Variants in C10orf90 observed in about 807,000 individuals in gnomAD.
The protein encoded by C10orf90 is chromosome 10 open reading frame 90.
Under a neutral mutation model 62.5 loss-of-function variants are expected in C10orf90, and 56 were observed. The observed-to-expected ratio is 0.90, with a 90% CI of 0.72 to 1.12. The LOEUF (loss-of-function observed/expected upper bound fraction) is 1.12, where lower values mean the gene tolerates loss of function less well. Ranked by LOEUF, C10orf90 falls within the 50% of genes most tolerant of loss-of-function variation. The probability of loss-of-function intolerance (pLI) is 0.00; values close to 1 mark genes in which losing one functional copy is unlikely to be tolerated. For missense variants in C10orf90, 970 were observed against 880.4 expected (o/e 1.10, Z -1.29); for synonymous variants, 386 against 340.4 (o/e 1.13, Z -1.47).
chr10:126,550,382 C>A (rs138719764), intron 2 of C10orf90, among the ~76,000 whole-genome samples: 9 of 152,108 alleles, frequency 5.9e-5, no homozygotes, highest in South Asian at 2.1e-4. Flanking sequence ...CAGGAGGGAA[C>A]CTTGTAATCA....
intron 2 of C10orf90, among the ~76,000 whole-genome samples, chr10:126,640,902 T>C (rs1490490221): frequency 2.6e-5 from 4 of 152,192 alleles, no homozygotes; most frequent in Non-Finnish European, 2.9e-5. Context: ...GTTGCATTGA[T>C]TGGAGATACT....
chr10:126,605,494 G>A (rs531427477), intron 2 of C10orf90, among the ~76,000 whole-genome samples: 100 of 152,334 alleles, frequency 6.6e-4, no homozygotes, highest in Non-Finnish European at 9.8e-4. Flanking sequence ...AGAGGCCCCT[G>A]CGCCCCTGCA....
At chr10:126,581,304 G>A (rs564240666) in intron 2 of C10orf90, among the ~76,000 whole-genome samples, 2 of 152,336 alleles carry the variant, frequency 1.3e-5, no homozygotes, top group South Asian at 4.1e-4. Context: ...CATTTGATCA[G>A]CAGTGTTGCA....
At chr10:126,433,369 C>T (rs1857704589) in intron 7 of C10orf90, among the ~76,000 whole-genome samples, 1 of 152,054 alleles carries the variant, frequency 6.6e-6, no homozygotes, top group South Asian at 2.1e-4. Context: ...GTCAGGTCCA[C>T]CAGGGAAGAA....
rs80351129 is a variant in C10orf90, at chr10:126,572,830, T to C, written c.314-58891A>G. 3.3e-3 allele frequency among the ~76,000 whole-genome samples: 498 copies of C among 152,152 alleles called. 3 individuals are homozygous for C. The highest frequency in any genetic ancestry group is 0.012 in the African/African-American group (489 of 41,522). On this transcript the variant is annotated intron_variant, in intron 2 of 9. Transcript: ENST00000488181. The stretch of plus-strand genomic sequence containing the variant: ...GCCTCTGACACTCCTACCAGCACCA[T>C]GACAGCTTACAAATGCAACGGCAAT...
At chr10:126,521,875 T>C (rs1050150916) in intron 2 of C10orf90, among the ~76,000 whole-genome samples, 1 of 152,216 alleles carries the variant, frequency 6.6e-6, no homozygotes, top group East Asian at 1.9e-4. Flanking sequence ...AGGTAGCTTA[T>C]AGTTAATAAT....
At chr10:126,502,172 C>T (rs561465136) in intron 4 of C10orf90, among the ~76,000 whole-genome samples, 122 of 152,034 alleles carry the variant, frequency 8.0e-4, no homozygotes, top group African/African-American at 2.7e-3. Flanking sequence ...ACTTGGGTGA[C>T]GGGTGCCCTA....
intron 2 of C10orf90, among the ~76,000 whole-genome samples, chr10:126,577,470 A>G (rs1453249596): frequency 6.6e-6 from 1 of 152,062 alleles, no homozygotes; most frequent in Non-Finnish European, 1.5e-5. Flanking sequence ...TAAACCTTAC[A>G]AAAGCTGTGC....
intron 7 of C10orf90, among the ~76,000 whole-genome samples, chr10:126,450,202 A>C (rs1044415927): frequency 4.6e-5 from 7 of 152,200 alleles, no homozygotes; most frequent in African/African-American, 1.7e-4. Context: ...GACAAGAAGT[A>C]AAAAGTAAGA....
intron 4 of C10orf90, among the ~76,000 whole-genome samples, chr10:126,467,503 C>T (rs946705247): frequency 7.2e-5 from 11 of 152,136 alleles, no homozygotes; most frequent in Admixed American, 1.3e-4. Flanking sequence ...CCACTGAGGA[C>T]CCACAGTCAC....
intron 7 of C10orf90, among the ~76,000 whole-genome samples, chr10:126,433,851 T>C (rs1253164429): frequency 2.6e-5 from 4 of 152,222 alleles, no homozygotes; most frequent in African/African-American, 9.7e-5. Flanking sequence ...TATGGGTCTC[T>C]TACAGATTTT....
At chr10:126,519,411 G>A (rs984793156) in intron 2 of C10orf90, among the ~76,000 whole-genome samples, 4 of 152,074 alleles carry the variant, frequency 2.6e-5, no homozygotes, top group Non-Finnish European at 2.9e-5. Context: ...CTCATGAATC[G>A]ATCCACCCAA....
intron 7 of C10orf90, among the ~76,000 whole-genome samples, chr10:126,446,779 T>C (rs1316643102): frequency 2.0e-5 from 3 of 152,134 alleles, no homozygotes; most frequent in African/African-American, 4.8e-5. Context: ...ATATCTCTAG[T>C]AGAAAGGTTA....
chr10:126,518,286 G>A (rs1476257421), intron 2 of C10orf90, among the ~76,000 whole-genome samples: 2 of 152,196 alleles, frequency 1.3e-5, no homozygotes, highest in African/African-American at 2.4e-5. Context: ...CCTAGCAAAT[G>A]AGGAGTTTTG....
intron 4 of C10orf90, among the ~76,000 whole-genome samples, chr10:126,477,201 A>C (rs1860934809): frequency 2.1e-5 from 3 of 143,056 alleles, no homozygotes; most frequent in African/African-American, 5.2e-5. Flanking sequence ...GTTTTATTTA[A>C]GCTCACACCA....
At chr10:126,657,433 T>C (rs915177588) in intron 1 of C10orf90, among the ~76,000 whole-genome samples, 2 of 152,188 alleles carry the variant, frequency 1.3e-5, no homozygotes, top group African/African-American at 4.8e-5. Context: ...TGTTGGATTA[T>C]TTCATTTGGC....
chr10:126,528,273 CAAAG>C (rs1157059710), intron 2 of C10orf90, among the ~76,000 whole-genome samples: 3 of 151,920 alleles, frequency 2.0e-5, no homozygotes, highest in African/African-American at 7.3e-5. Flanking sequence ...GATATCTAGA[CAAAG>C]AGAGAGATAA....
intron 2 of C10orf90, among the ~76,000 whole-genome samples, chr10:126,616,668 C>A (rs1370958379): frequency 2.6e-5 from 4 of 152,154 alleles, no homozygotes; most frequent in Non-Finnish European, 5.9e-5. Context: ...GGGCTTTTGG[C>A]TATTTGAGCT....
At chr10:126,663,664 G>A (rs1846564671) in intron 1 of C10orf90, among the ~76,000 whole-genome samples, 1 of 151,982 alleles carries the variant, frequency 6.6e-6, no homozygotes, top group Non-Finnish European at 1.5e-5. Context: ...CTACACACCA[G>A]TTTTCTTAAC....
Sources: allele counts gnomAD v4.1 joint callset (sites outside exome capture counted in the v4.1 genomes callset), GRCh38; gene constraint gnomAD v4.1.1; transcripts MANE v1.5; gene names NCBI Gene and HGNC (gene_info 2026-07-23, HGNC 2026-07-21).